The following ONECUT1 variants were observed in gnomAD, a reference collection of about 807,000 sequenced individuals.
The protein encoded by ONECUT1 is hepatocyte nuclear factor 6.
Under a neutral mutation model 25.6 loss-of-function variants are expected in ONECUT1, and 12 were observed. The observed-to-expected ratio is 0.47, with a 90% CI of 0.30 to 0.76. ONECUT1 has a LOEUF of 0.76. Ranked by LOEUF, ONECUT1 falls within the 30% of genes least tolerant of loss-of-function variation. The probability of loss-of-function intolerance (pLI) is 0.07; values close to 1 mark genes in which losing one functional copy is unlikely to be tolerated. For missense variants in ONECUT1, 620 were observed against 651.2 expected, an observed-to-expected ratio of 0.95 and a Z score of 0.52; for synonymous variants, 285 against 270.2, an observed-to-expected ratio of 1.05 and a Z score of -0.54.
intron 1 of ONECUT1, among the ~76,000 whole-genome samples, chr15:52,759,975 C>A (rs1220879172): frequency 6.6e-6 from 1 of 152,108 alleles, no homozygotes; most frequent in East Asian, 1.9e-4. Context: ...CATCTGCTTG[C>A]CAGGCTCTGG....
rs1250377410 is a variant in ONECUT1, at chr15:52,789,145, A to G, written c.740T>C (p.Leu247Pro). Residue 247 changes from leucine (L) to proline (P), a missense_variant, in exon 1 of 2, where the codon CTT (leucine) becomes CCT (proline). This residue lies in a region of ONECUT1 where 440 missense variants were observed against 404.9 expected (regional missense o/e 1.09). Coordinates refer to ENST00000305901, the MANE Select transcript of ONECUT1 (RefSeq NM_004498.4). The surrounding 1 kb of genome is among the most constrained non-coding windows in gnomAD (Gnocchi z 4.1). ...TSAGMVPINGLPPHHPHAHLN... is the reference protein window; with the variant it reads ...TSAGMVPINGPPPHHPHAHLN... ...GTGGGCGTGGGGATGGTGCGGAGGA[A>G]GGCCGTTGATGGGCACCATGCCGGC... 1.3e-6 allele frequency: 2 copies of G among 1,597,928 alleles called. No homozygotes were observed. The highest frequency in any genetic ancestry group is 2.7e-5 in the African/African-American group (2 of 74,882).
Position 52,789,203 on chromosome 15 carries a change from G to T in ONECUT1, c.682C>A (p.Arg228Ser), listed in dbSNP as rs777195442. The change falls in exon 1 of 2, where the codon CGC becomes AGC. Residue 228 changes from arginine (R) to serine (S), a missense_variant. Coordinates refer to ENST00000305901, the MANE Select transcript of ONECUT1 (RefSeq NM_004498.4). The surrounding 1 kb of genome is among the most constrained non-coding windows in gnomAD (Gnocchi z 4.1). ...FEAHHPAMLG[R>S]HGEQHLTPTS... is the part of the protein sequence containing the mutation. The stretch of plus-strand genomic sequence containing the variant: ...GGCGTGAGGTGCTGCTCCCCGTGGC[G>T]GCCGAGCATGGCCGGGTGGTGGGCT... 14 of 1,564,108 alleles carry T rather than the reference G, an allele frequency of 9.0e-6. No individual in the cohort carries two copies. Among genetic ancestry groups the T allele is most frequent in the South Asian group, 1.2e-5 (1 of 84,864 alleles).
Position 52,789,365 on chromosome 15 carries a change from C to T in ONECUT1, c.520G>A (p.Gly174Ser), listed in dbSNP as rs61735387. ...LYTPYHKDVA[G>S]MGQSLSPLSS... ...AGGGGCGAGAGGCTCTGGCCCATGC[C>T]GGCCACGTCCTTGTGGTAGGGGGTA... The change falls in exon 1 of 2, where the codon GGC becomes AGC. Residue 174 changes from glycine (G) to serine (S), a missense_variant. Gly to Ser is a moderately conservative substitution (Grantham distance 56). Around this residue, in one of 4 missense-constraint regions of ONECUT1, gnomAD observed 440 missense variants for 404.9 expected, o/e 1.09. Coordinates refer to ENST00000305901, the MANE Select transcript of ONECUT1 (RefSeq NM_004498.4). The surrounding 1 kb of genome is among the most constrained non-coding windows in gnomAD (Gnocchi z 4.1). 4.5e-4 allele frequency: 730 copies of T among 1,607,914 alleles called. No individual in the cohort carries two copies. Among genetic ancestry groups the T allele is most frequent in the Non-Finnish European group, 5.8e-4 (685 of 1,176,338 alleles).
At chr15:52,786,523 C>T (rs1205415302) in intron 1 of ONECUT1, among the ~76,000 whole-genome samples, 2 of 152,386 alleles carry the variant, frequency 1.3e-5, no homozygotes, top group East Asian at 3.9e-4. Context: ...CTGCATGGAC[C>T]TCTACAGGTT....
At chr15:52,767,885 C>T (rs1405151526) in intron 1 of ONECUT1, among the ~76,000 whole-genome samples, 1 of 152,116 alleles carries the variant, frequency 6.6e-6, no homozygotes, top group Non-Finnish European at 1.5e-5. Flanking sequence ...TTGTCATTTG[C>T]AGCAACACGG....
rs1479611103 is a variant in ONECUT1, at chr15:52,784,359, G to A, written c.1105+4421C>T. On this transcript the variant is annotated intron_variant, in intron 1 of 1. Coordinates refer to ENST00000305901, the MANE Select transcript of ONECUT1 (RefSeq NM_004498.4). This position sits in a 1 kb window ranked among gnomAD's most constrained non-coding sequence, Gnocchi z 5.0. ...GCCCCAGCTACCGGGATCCCTCTCC[G>A]GATGCTTCCAGGGCGATAGGTGCTG... Among the ~76,000 whole-genome samples, 3 of 152,188 alleles carry A rather than the reference G, an allele frequency of 2.0e-5. No homozygotes were observed. Among genetic ancestry groups the A allele is most frequent in the Admixed American group, 6.5e-5 (1 of 15,284 alleles).
At position 52,757,580 on chromosome 15, in the gene ONECUT1, G is replaced by T. The variant is rs760075966; in HGVS notation, c.1373C>A (p.Ser458Ter). The change falls in exon 2 of 2, where the codon TCA becomes TAA. Residue 458 changes from serine (S) to a stop codon, truncating the protein, a stop_gained. Transcript: ENST00000305901. LOFTEE classifies it high-confidence loss of function. Reference protein sequence around the residue: ...GSSNSGNSSSSSSTCTKA With the variant: ...GSSNSGNSSS ...TCATGCTTTGGTACAAGTGCTTGAT[G>T]AAGAAGATGAGTTGCCTGAATTGGA... is the stretch of plus-strand genomic sequence containing the variant. 4 of 1,613,794 alleles carry T rather than the reference G, an allele frequency of 2.5e-6. No homozygotes were observed. The highest frequency in any genetic ancestry group is 3.4e-6 in the Non-Finnish European group (4 of 1,179,788).
Position 52,757,505 on chromosome 15 carries a change from T to G in ONECUT1, c.*50A>C. On this transcript the variant is annotated 3_prime_UTR_variant, in exon 2 of 2. Transcript: ENST00000305901. ...TTGAGGTCCTGGTCTTTTAAAAATTTTTTTTAATTTAAAGCTTTTCCACCG... is the reference window on the plus strand; with the variant it reads ...TTGAGGTCCTGGTCTTTTAAAAATTGTTTTTAATTTAAAGCTTTTCCACCG... 6.5e-7 allele frequency: 1 copy of G among 1,544,874 alleles called. No homozygotes were observed. Among genetic ancestry groups the G allele is most frequent in the South Asian group, 1.3e-5 (1 of 78,736 alleles).
At chr15:52,770,085 C>A (rs1237392317) in intron 1 of ONECUT1, among the ~76,000 whole-genome samples, 1 of 152,162 alleles carries the variant, frequency 6.6e-6, no homozygotes, top group Non-Finnish European at 1.5e-5. Flanking sequence ...TGAGTAGGAC[C>A]TCTGGCTATT....
rs955176133 is a variant in ONECUT1, at chr15:52,756,152, A to C, written c.*1403T>G. Among the ~76,000 whole-genome samples, 1 of 152,132 alleles carries C rather than the reference A, an allele frequency of 6.6e-6. No homozygotes were observed. The highest frequency in any genetic ancestry group is 2.4e-5 in the African/African-American group (1 of 41,444). The stretch of plus-strand genomic sequence containing the variant: ...CACTGGCTTTTTTCTATACAGTTCC[A>C]CCAATTCCACCATTTCTCAGTTGCA... On this transcript the variant is annotated 3_prime_UTR_variant, in exon 2 of 2. Transcript: ENST00000305901.
intron 1 of ONECUT1, among the ~76,000 whole-genome samples, chr15:52,762,168 C>T (rs2083709743): frequency 6.6e-6 from 1 of 152,160 alleles, no homozygotes; most frequent in East Asian, 1.9e-4. Flanking sequence ...ATTCATCTTC[C>T]ATCTAGCCAG....
At position 52,788,923 on chromosome 15, in the gene ONECUT1, C is replaced by A. The variant is rs757063071; in HGVS notation, c.962G>T (p.Cys321Phe). Residue 321 changes from cysteine (C) to phenylalanine (F), a missense_variant, in exon 1 of 2, where the codon TGC becomes TTC. Transcript: ENST00000305901. This position sits in a 1 kb window ranked among gnomAD's most constrained non-coding sequence, Gnocchi z 4.3. ...GTCCGAGAGGGTCCCCTGGGAGCGGCAGAGCACCCTCTGCGCGAAGATGGC... is the reference window on the plus strand; with the variant it reads ...GTCCGAGAGGGTCCCCTGGGAGCGGAAGAGCACCCTCTGCGCGAAGATGGC... ...PQAIFAQRVL[C>F]RSQGTLSDLL... The A allele has an allele frequency of 6.2e-7, 1 of 1,614,078 alleles. No individual in the cohort carries two copies. Among genetic ancestry groups the A allele is most frequent in the Admixed American group, 1.7e-5 (1 of 60,026 alleles).
intron 1 of ONECUT1, among the ~76,000 whole-genome samples, chr15:52,767,325 T>C (rs987221148): frequency 1.3e-5 from 2 of 152,192 alleles, no homozygotes; most frequent in Non-Finnish European, 2.9e-5. Context: ...TTCTAGACTA[T>C]CTCAGTTCTT....
Position 52,789,676 on chromosome 15 carries a change from T to C in ONECUT1, c.209A>G (p.His70Arg). 1 of 1,514,304 alleles carries C rather than the reference T, an allele frequency of 6.6e-7. No individual in the cohort carries two copies. Among genetic ancestry groups the C allele is most frequent in the Non-Finnish European group, 8.8e-7 (1 of 1,135,694 alleles). The allele number at this position is 1,514,304 out of a possible 1,614,324, so 93.8% of individuals were successfully genotyped here. A position where few individuals can be genotyped will look rare whatever the true frequency, so the allele number is the denominator to read the frequency against. ...DGGSGGGDYH[H>R]HHRAPEHSLA... ...GCTGTGCTCAGGGGCCCGGTGGTGG[T>C]GGTGGTAATCTCCGCCGCCGCTGCC... The change falls in exon 1 of 2, where the codon CAC becomes CGC. Residue 70 changes from histidine (H) to arginine (R), a missense_variant. This residue lies in a region of ONECUT1 where 440 missense variants were observed against 404.9 expected (regional missense o/e 1.09). Transcript: ENST00000305901. The surrounding 1 kb of genome is among the most constrained non-coding windows in gnomAD (Gnocchi z 4.1).
chr15:52,778,995 CTT>C (rs547428108), intron 1 of ONECUT1, among the ~76,000 whole-genome samples: 5 of 141,080 alleles, frequency 3.5e-5, no homozygotes, highest in Non-Finnish European at 3.1e-5. Context: ...AGAGGGTTTT[CTT>C]TTTTTTTTTT....
intron 1 of ONECUT1, among the ~76,000 whole-genome samples, chr15:52,761,012 CTGGGG>C (rs1282825321): frequency 2.0e-4 from 2 of 10,208 alleles, no homozygotes; most frequent in Non-Finnish European, 3.5e-4. Flanking sequence ...TTATGCCACT[CTGGGG>C]TGGGGTGGGG....
intron 1 of ONECUT1, among the ~76,000 whole-genome samples, chr15:52,762,882 T>G (rs544318120): frequency 5.5e-4 from 83 of 152,216 alleles, no homozygotes; most frequent in Non-Finnish European, 7.8e-4. Flanking sequence ...AGCTGAAATT[T>G]CCACGGAATT....
At chr15:52,772,429 T>C (rs1253546168) in intron 1 of ONECUT1, among the ~76,000 whole-genome samples, 7 of 151,182 alleles carry the variant, frequency 4.6e-5, no homozygotes, top group African/African-American at 1.5e-4. Context: ...GTGTGAAGTT[T>C]GTTCACGGAG....
At chr15:52,759,467 G>T (rs1166015843) in intron 1 of ONECUT1, among the ~76,000 whole-genome samples, 1 of 152,152 alleles carries the variant, frequency 6.6e-6, no homozygotes, top group Non-Finnish European at 1.5e-5. Flanking sequence ...AATCCAGAAG[G>T]CTCCAATTTT....
Sources: gnomAD v4.1 joint callset for allele counts (sites outside exome capture counted in the v4.1 genomes callset) on GRCh38, gnomAD v4.1.1 for gene constraint, gnomAD v4.1.1 regional missense constraint, Gnocchi (gnomAD v3.1) non-coding constraint, MANE v1.5 for transcripts, NCBI Gene and HGNC (gene_info 2026-07-23, HGNC 2026-07-21) for gene names.